MGME1: variants seen among roughly 807,000 people sequenced by gnomAD.
The protein encoded by MGME1 is mitochondrial genome maintenance exonuclease 1.
In MGME1, 22 loss-of-function variants were observed where a neutral mutation model predicts 33.0. The observed-to-expected ratio is 0.67, with a 90% CI of 0.48 to 0.95. The LOEUF is 0.95. Ranked by LOEUF, MGME1 falls within the 40% of genes least tolerant of loss-of-function variation. MGME1 has a pLI of 0.00. For synonymous variants in MGME1, 133 were observed against 144.0 expected, an observed-to-expected ratio of 0.92 and a Z score of 0.55; for missense variants, 383 against 397.8, an observed-to-expected ratio of 0.96 and a Z score of 0.32.
At chr20:17,983,363 GC>G (rs146108358) in intron 3 of MGME1, among the ~76,000 whole-genome samples, 2,048 of 151,092 alleles carry the variant, frequency 0.014, 39 homozygotes, top group African/African-American at 0.044. Flanking sequence ...CCGCATCTTG[GC>G]CTTTGTAAAT....
chr20:17,985,146 G>T (rs923069656), intron 3 of MGME1, among the ~76,000 whole-genome samples: 15 of 152,148 alleles, frequency 9.9e-5, no homozygotes, highest in African/African-American at 3.4e-4. Context: ...AGAAGTGGCC[G>T]GGCATGGTGG....
upstream of MGME1, chr20:17,968,783 G>T (rs909482464): frequency 3.0e-5 from 9 of 303,460 alleles, no homozygotes; most frequent in Admixed American, 1.1e-4. Flanking sequence ...AGCAAGACGC[G>T]TCTAGAGAAA....
In MGME1 at chr20:17,975,789, T is replaced by C. The variant is rs2035851325; in HGVS notation, c.617T>C (p.Ile206Thr). ...RDENLLKSGY[I>T]ESVQHILKDV... ...GAAAATCTCCTCAAGTCTGGTTACA[T>C]TGAAAGTGTCCAGCATATTCTGAAA... is the stretch of plus-strand genomic sequence containing the variant. Residue 206 changes from isoleucine (I) to threonine (T), a missense_variant, in exon 3 of 5, where the codon ATT becomes ACT. Ile to Thr is a moderately conservative substitution (Grantham distance 89). Coordinates refer to ENST00000377710, the MANE Select transcript of MGME1 (RefSeq NM_052865.4). 1.2e-6 allele frequency: 2 copies of C among 1,614,090 alleles called. No individual in the cohort carries two copies. The highest frequency in any genetic ancestry group is 2.2e-5 in the South Asian group (2 of 91,076).
At chr20:17,972,735 G>C in intron 2 of MGME1, 1 of 985,368 alleles carries the variant, frequency 1.0e-6, no homozygotes, top group African/African-American at 1.7e-5. Context: ...ATGTGTATAT[G>C]AAGAACCTAG....
At chr20:17,988,986 G>A (rs749067215) in intron 4 of MGME1, among the ~76,000 whole-genome samples, 9 of 152,148 alleles carry the variant, frequency 5.9e-5, no homozygotes, top group Non-Finnish European at 1.3e-4. Context: ...CTACTTGGGA[G>A]GCTGAGGTGG....
chr20:17,976,193 G>A (rs2035862484), intron 3 of MGME1, among the ~76,000 whole-genome samples: 1 of 152,090 alleles, frequency 6.6e-6, no homozygotes, highest in Non-Finnish European at 1.5e-5. Context: ...GTGCAATCTT[G>A]GCTCACTGCA....
chr20:17,976,908 G>A (rs1474244593), intron 3 of MGME1, among the ~76,000 whole-genome samples: 1 of 151,966 alleles, frequency 6.6e-6, no homozygotes, highest in East Asian at 1.9e-4. Context: ...TGATCCGCCT[G>A]CCTCAGCCTC....
intron 3 of MGME1, among the ~76,000 whole-genome samples, chr20:17,976,748 A>G (rs1402535730): frequency 6.6e-6 from 1 of 151,864 alleles, no homozygotes; most frequent in African/African-American, 2.4e-5. Flanking sequence ...TGCAACCTCC[A>G]TCTCCTAGGT....
intron 3 of MGME1, among the ~76,000 whole-genome samples, chr20:17,981,169 C>T (rs532149139): frequency 1.2e-4 from 18 of 152,192 alleles, no homozygotes; most frequent in Admixed American, 5.2e-4. Flanking sequence ...ACTCTTAGCA[C>T]ACACATAATG....
rs1555792152 is a variant in MGME1, at chr20:17,990,410, T to TGGTTG, written c.*303_*304insTTGGG. ...ACTCTTGTACTCCCTTGAGGGACAT[T>TGGTTG]GGGGGGGGGGGGGCGTGGTCCCAGG... On this transcript the variant is annotated 3_prime_UTR_variant, in exon 5 of 5. Transcript: ENST00000377710. The TGGTTG allele has an allele frequency of 4.5e-5, 2 of 44,504 alleles. No individual in the cohort carries two copies. Among genetic ancestry groups the TGGTTG allele is most frequent in the Non-Finnish European group, 8.4e-5 (2 of 23,804 alleles). 2.8% of individuals were successfully genotyped at this position (44,504 alleles called of 1,614,324 possible).
chr20:17,977,870 A>G (rs1379821432), intron 3 of MGME1, among the ~76,000 whole-genome samples: 1 of 152,176 alleles, frequency 6.6e-6, no homozygotes, highest in Non-Finnish European at 1.5e-5. Flanking sequence ...TCTCGTTCGA[A>G]CGCCTCTGAT....
At position 17,990,542 on chromosome 20, in the gene MGME1, G is replaced by A. The variant is rs1279041012; in HGVS notation, c.*433G>A. 4.6e-6 allele frequency: 1 copy of A among 217,902 alleles called. No individual in the cohort carries two copies. The highest frequency in any genetic ancestry group is 9.1e-6 in the Non-Finnish European group (1 of 109,802). The allele number at this position is 217,902 out of a possible 1,614,324, so 13.5% of individuals were successfully genotyped here. A position where few individuals can be genotyped will look rare whatever the true frequency, so the allele number is the denominator to read the frequency against. On this transcript the variant is annotated 3_prime_UTR_variant, in exon 5 of 5. Transcript: ENST00000377710. ...GAAGGGGCTACATGCCCCCAGCTGT[G>A]TGCAGGGAGGACACATCAGCCCACT...
At chr20:17,974,094 T>C (rs1471863587) in intron 2 of MGME1, among the ~76,000 whole-genome samples, 1 of 148,958 alleles carries the variant, frequency 6.7e-6, no homozygotes, top group African/African-American at 2.5e-5. Flanking sequence ...TGAGATTGTC[T>C]TGCTCTGTCA....
chr20:17,982,760 A>G (rs2036055315), intron 3 of MGME1, among the ~76,000 whole-genome samples: 1 of 152,188 alleles, frequency 6.6e-6, no homozygotes, highest in South Asian at 2.1e-4. Context: ...TTACGCTACT[A>G]TGATGTTAAA....
chr20:17,982,868 T>G (rs748179891), intron 3 of MGME1, among the ~76,000 whole-genome samples: 4 of 152,352 alleles, frequency 2.6e-5, no homozygotes, highest in Non-Finnish European at 4.4e-5. Flanking sequence ...AAGCTAATTA[T>G]CATATCCATC....
intron 1 of MGME1, among the ~76,000 whole-genome samples, 180 bp downstream of exon 1, chr20:17,969,321 G>A (rs1242854497): frequency 6.6e-6 from 1 of 152,232 alleles, no homozygotes; most frequent in Non-Finnish European, 1.5e-5. Context: ...GCTCTGACCG[G>A]CGAGCGACGG....
At chr20:17,984,492 T>C (rs1180222069) in intron 3 of MGME1, among the ~76,000 whole-genome samples, 2 of 152,134 alleles carry the variant, frequency 1.3e-5, no homozygotes, top group Non-Finnish European at 2.9e-5. Flanking sequence ...TATTCAGTCA[T>C]ATAAAAACAG....
At position 17,975,753 on chromosome 20, in the gene MGME1, AAG is replaced by A. The variant is rs1057247293; in HGVS notation, c.589_590del (p.Asp197Ter). On this transcript the variant is annotated frameshift_variant, in exon 3 of 5. Transcript: ENST00000377710. LOFTEE classifies it high-confidence loss of function. ...ATACTTTCACCCCAGGAAACCTTAAAAGAGAGAGATGAAAATCTCCTCAAGTC... is the reference window on the plus strand; with the variant it reads ...ATACTTTCACCCCAGGAAACCTTAAAAGAGAGATGAAAATCTCCTCAAGTC... 9 of 1,614,050 alleles carry A rather than the reference AAG, an allele frequency of 5.6e-6. No homozygotes were observed. Among genetic ancestry groups the A allele is most frequent in the Non-Finnish European group, 5.9e-6 (7 of 1,180,036 alleles).
At position 17,990,136 on chromosome 20, in the gene MGME1, C is replaced by A. The variant is rs765049495; in HGVS notation, c.*27C>A. 1 of 1,604,744 alleles carries A rather than the reference C, an allele frequency of 6.2e-7. No homozygotes were observed. ...GAGCAAGTTGCTATTTGGGAACATTCAGCACCTTCTCACAGTTTGGGAACA... is the reference window on the plus strand; with the variant it reads ...GAGCAAGTTGCTATTTGGGAACATTAAGCACCTTCTCACAGTTTGGGAACA... On this transcript the variant is annotated 3_prime_UTR_variant, in exon 5 of 5. Coordinates refer to ENST00000377710, the MANE Select transcript of MGME1 (RefSeq NM_052865.4).
Sources: allele counts gnomAD v4.1 joint callset (sites outside exome capture counted in the v4.1 genomes callset), GRCh38; gene constraint gnomAD v4.1.1; transcripts MANE v1.5; gene names NCBI Gene and HGNC (gene_info 2026-07-23, HGNC 2026-07-21).